The following BMPR2 variants were observed in gnomAD, a reference collection of about 807,000 sequenced individuals.
The protein encoded by BMPR2 is bone morphogenetic protein receptor type-2.
In BMPR2, 29 loss-of-function variants were observed where a neutral mutation model predicts 100.8. The observed-to-expected ratio is 0.29, with a 90% CI of 0.21 to 0.39. The LOEUF is 0.39. Among genes scored for constraint, BMPR2 ranks in the 10% least tolerant of loss-of-function variants. The pLI is 1.00. For synonymous variants in BMPR2, 382 were observed against 442.3 expected, an observed-to-expected ratio of 0.86 and a Z score of 1.71; for missense variants, 1,011 against 1,274.5, an observed-to-expected ratio of 0.79 and a Z score of 3.15.
intron 2 of BMPR2, among the ~76,000 whole-genome samples, chr2:202,466,365 C>T (rs1490151209): frequency 6.6e-6 from 1 of 152,052 alleles, no homozygotes; most frequent in African/African-American, 2.4e-5. Context: ...CGGCTCACTG[C>T]AACCTCCGCC....
At chr2:202,393,916 A>AGAGAG (rs1690607269) in intron 1 of BMPR2, among the ~76,000 whole-genome samples, 1 of 138,564 alleles carries the variant, frequency 7.2e-6, no homozygotes, top group African/African-American at 2.7e-5. Flanking sequence ...AGAGAGAGAG[A>AGAGAG]GAGAGAGAGA....
intron 3 of BMPR2, among the ~76,000 whole-genome samples, chr2:202,473,604 A>G (rs1406386271): frequency 6.6e-6 from 1 of 151,898 alleles, no homozygotes; most frequent in African/African-American, 2.4e-5. Flanking sequence ...ATCCTGGCCA[A>G]CATGGAAAAA....
chr2:202,482,225 G>T (rs1326669796), intron 3 of BMPR2, among the ~76,000 whole-genome samples: 1 of 152,126 alleles, frequency 6.6e-6, no homozygotes, highest in African/African-American at 2.4e-5. Flanking sequence ...TTCATCCATC[G>T]TGGACACTTG....
At chr2:202,416,977 C>G (rs762158360) in intron 1 of BMPR2, among the ~76,000 whole-genome samples, 1 of 151,286 alleles carries the variant, frequency 6.6e-6, no homozygotes, top group Non-Finnish European at 1.5e-5. Flanking sequence ...GTTGGGACTA[C>G]AGGCACCCGC....
chr2:202,380,628 CTT>C (rs34657186), intron 1 of BMPR2, among the ~76,000 whole-genome samples: 68 of 135,914 alleles, frequency 5.0e-4, no homozygotes, highest in South Asian at 4.7e-4. Context: ...GGATTTCTTT[CTT>C]TTTTTTTTTT....
At chr2:202,465,663 C>A (rs562215601) in intron 2 of BMPR2, among the ~76,000 whole-genome samples, 153 of 151,398 alleles carry the variant, frequency 1.0e-3, no homozygotes, top group African/African-American at 3.6e-3. Context: ...TGGAGACCAG[C>A]CTGGCTAACA....
intron 1 of BMPR2, among the ~76,000 whole-genome samples, chr2:202,451,935 G>A (rs1168209353): frequency 2.6e-5 from 4 of 151,906 alleles, no homozygotes; most frequent in African/African-American, 9.7e-5. Context: ...TGTGTTTTTA[G>A]TAGAGATGCG....
At chr2:202,423,035 C>T (rs181012224) in intron 1 of BMPR2, among the ~76,000 whole-genome samples, 357 of 152,092 alleles carry the variant, frequency 2.3e-3, no homozygotes, top group Middle Eastern at 6.8e-3. Flanking sequence ...AAAGTAGCAA[C>T]AAAGATGTAA....
At position 202,555,366 on chromosome 2, in the gene BMPR2, C is replaced by T. The variant is rs778834290; in HGVS notation, c.1701C>T (p.Ser567=). The T allele has an allele frequency of 2.5e-6, 4 of 1,614,128 alleles. No individual in the cohort carries two copies. The highest frequency in any genetic ancestry group is 2.5e-6 in the Non-Finnish European group (3 of 1,180,016). The change falls in exon 12 of 13, where the codon TCC becomes TCT. Residue 567 remains serine (S), a synonymous_variant. Transcript: ENST00000374580. ...HHTDSIVKNI[S]SEHSMSSTPL... ...CTGACAGCATCGTGAAGAATATTTC[C>T]TCTGAGCATTCTATGTCCAGCACAC...
intron 1 of BMPR2, 41 bp downstream of exon 1, chr2:202,377,591 C>T: frequency 1.2e-6 from 2 of 1,608,044 alleles, no homozygotes; most frequent in Non-Finnish European, 1.7e-6. Flanking sequence ...ACTGCCCCTG[C>T]GGGTGGCGAG....
chr2:202,501,806 G>T (rs1041298147), intron 3 of BMPR2, among the ~76,000 whole-genome samples: 1 of 152,190 alleles, frequency 6.6e-6, no homozygotes, highest in Non-Finnish European at 1.5e-5. Context: ...CATATGCGTG[G>T]CCCTCAACCC....
At chr2:202,384,569 T>TTTCTTTCTTTCTTTCTTTCTCTTTC (rs138215628) in intron 1 of BMPR2, among the ~76,000 whole-genome samples, 8 of 93,506 alleles carry the variant, frequency 8.6e-5, no homozygotes, top group African/African-American at 1.6e-4. Flanking sequence ...TCTTTCTTTC[T>TTTCTTTCTTTCTTTCTTTCTCTTTC]TTTTCTTTCT....
chr2:202,557,624 G>A (rs1367690369), intron 12 of BMPR2, among the ~76,000 whole-genome samples: 6 of 152,072 alleles, frequency 3.9e-5, no homozygotes, highest in Admixed American at 1.3e-4. Flanking sequence ...CTGAGATTGC[G>A]CCATTGTACT....
chr2:202,407,085 C>T (rs1297725652), intron 1 of BMPR2, among the ~76,000 whole-genome samples: 2 of 151,580 alleles, frequency 1.3e-5, no homozygotes, highest in East Asian at 3.9e-4. Context: ...GTAGTTTGAA[C>T]TACAGGCATG....
At chr2:202,529,082 G>A (rs1687968810) in intron 7 of BMPR2, among the ~76,000 whole-genome samples, 1 of 152,108 alleles carries the variant, frequency 6.6e-6, no homozygotes, top group African/African-American at 2.4e-5. Context: ...TATTACCAAA[G>A]AAATATCTGA....
chr2:202,437,309 A>T (rs1300091180), intron 1 of BMPR2, among the ~76,000 whole-genome samples: 1 of 149,798 alleles, frequency 6.7e-6, no homozygotes, highest in Non-Finnish European at 1.5e-5. Flanking sequence ...CAGCCAAAAA[A>T]CTCTAAATTT....
intron 1 of BMPR2, among the ~76,000 whole-genome samples, chr2:202,427,597 T>C (rs1321756466): frequency 1.3e-5 from 2 of 152,178 alleles, no homozygotes; most frequent in Non-Finnish European, 2.9e-5. Context: ...GTAGTTTGAT[T>C]TCTTCACTTC....
intron 1 of BMPR2, among the ~76,000 whole-genome samples, chr2:202,442,494 T>C (rs994471800): frequency 6.6e-6 from 1 of 150,436 alleles, no homozygotes; most frequent in Non-Finnish European, 1.5e-5. Flanking sequence ...TTCAAGTATA[T>C]AGTACAATAT....
At chr2:202,507,203 G>A (rs1687536686) in intron 3 of BMPR2, among the ~76,000 whole-genome samples, 1 of 151,972 alleles carries the variant, frequency 6.6e-6, no homozygotes, top group Non-Finnish European at 1.5e-5. Flanking sequence ...TTCACTCTTG[G>A]AAGAGTCTTT....
Sources: allele counts gnomAD v4.1 joint callset (sites outside exome capture counted in the v4.1 genomes callset), GRCh38; gene constraint gnomAD v4.1.1; transcripts MANE v1.5; gene names NCBI Gene and HGNC (gene_info 2026-07-23, HGNC 2026-07-21).